FCN1: variants seen among roughly 807,000 people sequenced by gnomAD.
The protein encoded by FCN1 is ficolin 1.
FCN1 carries 42 observed loss-of-function variants against 35.6 expected under a neutral mutation model. The observed-to-expected ratio is 1.18, with a 90% confidence interval of 0.92 to 1.53. The LOEUF (loss-of-function observed/expected upper bound fraction) is 1.53, where lower values mean the gene tolerates loss of function less well. Ranked by LOEUF, FCN1 falls within the 40% of genes most tolerant of loss-of-function variation. The probability of loss-of-function intolerance (pLI) is 0.00; values close to 1 mark genes in which losing one functional copy is unlikely to be tolerated. For missense variants in FCN1, 439 were observed against 428.4 expected (o/e 1.02, Z -0.22); for synonymous variants, 179 against 169.8 (o/e 1.05, Z -0.42).
rs1830992997 is a variant in FCN1 at position 134,909,430 on chromosome 9, T to G, written c.*368A>C. On this transcript the variant is annotated 3_prime_UTR_variant, in exon 9 of 9. Coordinates refer to ENST00000371806, the MANE Select transcript of FCN1 (RefSeq NM_002003.5). ...GGTGGAAAATCCTCGCAAAAGTCAC[T>G]CAACCTCCCTGAACATCGGTAGTGC... The G allele has an allele frequency of 7.7e-7, 1 of 1,291,580 alleles. No homozygotes were observed. The highest frequency in any genetic ancestry group is 1.0e-6 in the Non-Finnish European group (1 of 989,406). The allele number at this position is 1,291,580 out of a possible 1,614,324, so 80.0% of individuals were successfully genotyped here.
intron 5 of FCN1, among the ~76,000 whole-genome samples, chr9:134,913,368 C>G (rs1831050818): frequency 6.6e-6 from 1 of 152,198 alleles, no homozygotes; most frequent in African/African-American, 2.4e-5. Flanking sequence ...ACCTTTGCCT[C>G]CTGGGCACCC....
rs755993010 is a variant in FCN1, at chr9:134,913,017, G to T, written c.467C>A (p.Thr156Asn). The change falls in exon 6 of 9, where the codon ACC (threonine) becomes AAC (asparagine). Residue 156 changes from threonine to asparagine, a missense_variant and splice_region_variant. Physicochemically the swap from Thr to Asn is moderately conservative, Grantham distance 65. Transcript: ENST00000371806. Reference protein sequence around the residue: ...CDMDTDGGGWTVFQRRMDGSV... With the variant: ...CDMDTDGGGWNVFQRRMDGSV... ...GCCTCTGCCCAGCCCCACACTCACG[G>T]TCCAGCCCCCTCCGTCCGTGTCCAT... 6.2e-7 allele frequency: 1 copy of T among 1,610,542 alleles called. No individual in the cohort carries two copies. The highest frequency in any genetic ancestry group is 1.7e-5 in the Admixed American group (1 of 59,434).
chr9:134,908,880 G>A lies in FCN1; in HGVS notation c.*918C>T, dbSNP rs1251204618. 10 of 220,876 alleles carry A rather than the reference G, an allele frequency of 4.5e-5. No homozygotes were observed. The highest frequency in any genetic ancestry group is 7.3e-5 in the Non-Finnish European group (8 of 108,954). 13.7% of individuals were successfully genotyped at this position (220,876 alleles called of 1,614,324 possible). ...GTAGAAAACTAAAGATTTGTGTGCC[G>A]CACGTTGATTCTGCCCCTCTGGCCT... On this transcript the variant is annotated 3_prime_UTR_variant, in exon 9 of 9. Transcript: ENST00000371806.
Position 134,912,654 on chromosome 9 carries a change from C to G in FCN1, c.469-39G>C, listed in dbSNP as rs751534796. 1.1e-5 allele frequency: 17 copies of G among 1,613,498 alleles called. No homozygotes were observed. The African/African-American group carries it at 2.0e-4, about 19-fold the overall frequency. On this transcript the variant is annotated intron_variant, in intron 6 of 8. Coordinates refer to ENST00000371806, the MANE Select transcript of FCN1 (RefSeq NM_002003.5). Reference sequence around the variant, plus strand: ...AGGATACAGAGTTAGGCGGGGCAGGCCGAGGTCCCACAGCACCGGGGACCC... The same window carrying G: ...AGGATACAGAGTTAGGCGGGGCAGGGCGAGGTCCCACAGCACCGGGGACCC...
rs974815484 is a variant in FCN1 at position 134,905,276 on chromosome 9, A to C, written c.*4522T>G. ...CTATGTGGATGTCCACGAATGCCCA[A>C]ATGTTGCTGGATGGGCCCACGCCTA... On this transcript the variant is annotated 3_prime_UTR_variant, in exon 9 of 9. Transcript: ENST00000371806. Among the ~76,000 whole-genome samples, 1 of 152,178 alleles carries C rather than the reference A, an allele frequency of 6.6e-6. No homozygotes were observed. The highest frequency in any genetic ancestry group is 1.5e-5 in the Non-Finnish European group (1 of 68,024).
chr9:134,912,679 C>T lies in FCN1; in HGVS notation c.469-64G>A, dbSNP rs542156370. On this transcript the variant is annotated intron_variant, in intron 6 of 8. Coordinates refer to ENST00000371806, the MANE Select transcript of FCN1 (RefSeq NM_002003.5). ...CCGAGGTCCCACAGCACCGGGGACC[C>T]GCCCTCCAGAGGAGCAGCATTTGTA... The T allele has an allele frequency of 1.3e-4, 205 of 1,606,036 alleles. No individual in the cohort carries two copies. In the South Asian group the frequency reaches 1.7e-3, roughly 13 times the overall value.
At chr9:134,913,912 C>T (rs929609025) in intron 4 of FCN1, among the ~76,000 whole-genome samples, 14 of 152,150 alleles carry the variant, frequency 9.2e-5, no homozygotes, top group Admixed American at 5.9e-4. Context: ...CTGATAACAG[C>T]GGAATAACTC....
chr9:134,913,147 G>A lies in FCN1; in HGVS notation c.341-4C>T, dbSNP rs1831047271. 1 of 1,613,646 alleles carries A rather than the reference G, an allele frequency of 6.2e-7. No homozygotes were observed. The highest frequency in any genetic ancestry group is 1.7e-5 in the Admixed American group (1 of 59,950). On this transcript the variant is annotated splice_polypyrimidine_tract_variant and splice_region_variant and intron_variant, in intron 5 of 8. Transcript: ENST00000371806. The stretch of plus-strand genomic sequence containing the variant: ...AGGTCCTTGCAGTTGCGTGGGCCTG[G>A]GAAGGGAACCCGGGGAATGGCTGCA...
Position 134,903,232 on chromosome 9 carries a change from T to C in FCN1, c.*6566A>G, listed in dbSNP as rs1445073001. Among the ~76,000 whole-genome samples the C allele has an allele frequency of 6.6e-6, 1 of 152,220 alleles. No homozygotes were observed. Among genetic ancestry groups the C allele is most frequent in the Non-Finnish European group, 1.5e-5 (1 of 68,032 alleles). On this transcript the variant is annotated 3_prime_UTR_variant, in exon 9 of 9. Coordinates refer to ENST00000371806, the MANE Select transcript of FCN1 (RefSeq NM_002003.5). ...CAGAAAATCAGTAAGGCTACGAAAG[T>C]GGTGAACCAGGCTATTAATCAGTTT... is the stretch of plus-strand genomic sequence containing the variant.
intron 7 of FCN1, 119 bp downstream of exon 7, chr9:134,912,367 G>C (rs1051576142): frequency 9.6e-7 from 1 of 1,044,174 alleles, no homozygotes; most frequent in Non-Finnish European, 1.4e-6. Context: ...TGCCACCTGA[G>C]TGTGCTCAGG....
rs1830915935 is a variant in FCN1 at position 134,904,293 on chromosome 9, A to G, written c.*5505T>C. 2.0e-5 allele frequency among the ~76,000 whole-genome samples: 3 copies of G among 152,198 alleles called. No individual in the cohort carries two copies. In the South Asian group the frequency reaches 6.2e-4, roughly 32 times the overall value. ...ATATTACCTTCAGAGGAGCAACAAG[A>G]CTTTCAGCTAGCTTTTCAGCTGAAA... On this transcript the variant is annotated 3_prime_UTR_variant, in exon 9 of 9. Transcript: ENST00000371806.
chr9:134,916,295 G>A (rs1051312596), intron 2 of FCN1, 53 bp downstream of exon 2: 3 of 1,346,398 alleles, frequency 2.2e-6, no homozygotes, highest in African/African-American at 2.9e-5. Flanking sequence ...TTCATAAAGA[G>A]CAAGAGCCAG....
intron 1 of FCN1, among the ~76,000 whole-genome samples, chr9:134,916,679 T>C (rs1831096907): frequency 6.6e-6 from 1 of 152,222 alleles, no homozygotes; most frequent in African/African-American, 2.4e-5. Flanking sequence ...ACTTAACTCC[T>C]CTGAGCTTTG....
At chr9:134,915,616 T>C (rs1468224469) in intron 2 of FCN1, among the ~76,000 whole-genome samples, 1 of 152,102 alleles carries the variant, frequency 6.6e-6, no homozygotes, top group African/African-American at 2.4e-5. Flanking sequence ...CCTAGACACG[T>C]CAGTGAAAGT....
rs1447529750 is a variant in FCN1 at position 134,910,080 on chromosome 9, G to T, written c.734-35C>A. The T allele has an allele frequency of 1.9e-6, 3 of 1,595,220 alleles. No homozygotes were observed. In the South Asian group the frequency reaches 3.3e-5, roughly 18 times the overall value. ...GAAAATGTGGGGTTTGCAGATGCTG[G>T]AAAAAGCCCTGCCACTGTGAGACCC... On this transcript the variant is annotated intron_variant, in intron 8 of 8. Transcript: ENST00000371806.
In FCN1 at chr9:134,904,493, A is replaced by G. The variant is rs1158657770; in HGVS notation, c.*5305T>C. 6.6e-6 allele frequency among the ~76,000 whole-genome samples: 1 copy of G among 152,204 alleles called. No homozygotes were observed. The highest frequency in any genetic ancestry group is 1.5e-5 in the Non-Finnish European group (1 of 68,034). On this transcript the variant is annotated 3_prime_UTR_variant, in exon 9 of 9. Transcript: ENST00000371806. ...TCAGCAGACTTTCATCAAAAAATAT[A>G]TGAGGCTGGGCACGGTGTCTCACAT...
rs541616038 is a variant in FCN1 at position 134,911,252 on chromosome 9, C to T, written c.614G>A (p.Arg205His). The T allele has an allele frequency of 6.3e-5, 101 of 1,614,022 alleles. 1 individual carries two copies. In the East Asian group the frequency reaches 7.1e-4, roughly 11 times the overall value. The change falls in exon 8 of 9, where the codon CGT (arginine) becomes CAT (histidine). Residue 205 changes from arginine to histidine, a missense_variant. Transcript: ENST00000371806. ...GCCCTCAAAGTCCACCAGGTCTACA[C>T]GGAGCTCGCTGCTTCCTGTTGGAAA... ...ALTAQGSSELRVDLVDFEGNH... is the reference protein window; with the variant it reads ...ALTAQGSSELHVDLVDFEGNH...
rs138533119 is a variant in FCN1, at chr9:134,916,421, G to A, written c.144C>T (p.Thr48=). Residue 48 remains threonine, a synonymous_variant, in exon 2 of 9, where the codon ACC becomes ACT. Transcript: ENST00000371806. ...GCAGCCCCGGGCAGCCTCGGAGAAT[G>A]GTGAGCTTGTCAGAGCCCTCCAGGC... The part of the protein sequence containing the change: ...VVGLEGSDKL[T]ILRGCPGLPG... 132 of 1,614,104 alleles carry A rather than the reference G, an allele frequency of 8.2e-5. No individual in the cohort carries two copies. The highest frequency in any genetic ancestry group is 2.5e-4 in the Admixed American group (15 of 60,018).
rs572007055 is a variant in FCN1, at chr9:134,905,523, G to A, written c.*4275C>T. Among the ~76,000 whole-genome samples, 43 of 151,828 alleles carry A rather than the reference G, an allele frequency of 2.8e-4. No homozygotes were observed. Among genetic ancestry groups the A allele is most frequent in the South Asian group, 1.9e-3 (9 of 4,788 alleles). ...TTTTGAGACAGAGTCTCGCTCTGTC[G>A]CCCAGGCTGGAGTGCAGTGGTGCGA... On this transcript the variant is annotated 3_prime_UTR_variant, in exon 9 of 9. Transcript: ENST00000371806.
Sources: gnomAD v4.1 joint callset for allele counts (sites outside exome capture counted in the v4.1 genomes callset) on GRCh38, gnomAD v4.1.1 for gene constraint, MANE v1.5 for transcripts, NCBI Gene and HGNC (gene_info 2026-07-23, HGNC 2026-07-21) for gene names.